Variants in KDM3B observed in about 807,000 individuals in gnomAD.
KDM3B encodes the protein lysine-specific demethylase 3B.
A neutral mutation model predicts 170.0 loss-of-function variants in KDM3B; 10 were observed. The observed-to-expected ratio is 0.06, with a 90% CI of 0.04 to 0.10. KDM3B has a LOEUF of 0.10. Among genes scored for constraint, KDM3B ranks in the 10% least tolerant of loss-of-function variants. The probability of loss-of-function intolerance (pLI) is 1.00; values close to 1 mark genes in which losing one functional copy is unlikely to be tolerated. For synonymous variants in KDM3B, 831 were observed against 834.8 expected (o/e 1.00, Z 0.08); for missense variants, 1,394 against 2,195.2 (o/e 0.64, Z 7.29).
At chr5:138,381,804 A>C (rs183285628) in intron 6 of KDM3B, 216 of 499,450 alleles carry the variant, frequency 4.3e-4, no homozygotes, top group Middle Eastern at 4.2e-3. Flanking sequence ...AAGCATGACT[A>C]TGTTCCCTAG....
At chr5:138,367,527 C>A (rs1009790425) in intron 1 of KDM3B, among the ~76,000 whole-genome samples, 1 of 152,016 alleles carries the variant, frequency 6.6e-6, no homozygotes, top group African/African-American at 2.4e-5. Flanking sequence ...CACATGTAGA[C>A]CACAAAGAGA....
At position 138,386,286 on chromosome 5, in the gene KDM3B, C is replaced by A; in HGVS notation, c.1045C>A (p.Gln349Lys). Reference protein sequence around the residue: ...AKQPPSTFVPQINRNIRFATY... With the variant: ...AKQPPSTFVPKINRNIRFATY... ...GCAGCCACCGTCTACATTTGTCCCC[C>A]AGATAAACCGCAACATTCGCTTTGC... Residue 349 changes from glutamine to lysine, a missense_variant, in exon 7 of 24, where the codon CAG becomes AAG. By Grantham distance (53) the Gln-to-Lys change is moderately conservative (BLOSUM62 1). This residue lies in a region of KDM3B where 205 missense variants were observed against 227.6 expected (regional missense o/e 0.90). Transcript: ENST00000314358. 1 of 1,614,152 alleles carries A rather than the reference C, an allele frequency of 6.2e-7. No homozygotes were observed. The highest frequency in any genetic ancestry group is 1.1e-5 in the South Asian group (1 of 91,072).
chr5:138,357,141 C>T (rs557767211), intron 1 of KDM3B, among the ~76,000 whole-genome samples: 14 of 152,012 alleles, frequency 9.2e-5, no homozygotes, highest in Non-Finnish European at 1.2e-4. Context: ...CATGCGCCAC[C>T]GGGCCTGGCT....
At chr5:138,419,560 C>T in intron 14 of KDM3B, among the ~76,000 whole-genome samples, 1 of 147,424 alleles carries the variant, frequency 6.8e-6, no homozygotes, top group Admixed American at 6.9e-5. Context: ...GAGGCTGAGG[C>T]AGGAGAATGG....
intron 1 of KDM3B, among the ~76,000 whole-genome samples, chr5:138,361,298 A>G (rs1761603007): frequency 1.3e-5 from 2 of 151,096 alleles, no homozygotes; most frequent in South Asian, 4.2e-4. Context: ...GTAGTGATTC[A>G]GATAGTGTGA....
At chr5:138,365,793 G>GT (rs998152778) in intron 1 of KDM3B, among the ~76,000 whole-genome samples, 3 of 151,806 alleles carry the variant, frequency 2.0e-5, no homozygotes, top group African/African-American at 7.3e-5. Flanking sequence ...GAGGTCAAGA[G>GT]TTCAAGACCA....
intron 1 of KDM3B, among the ~76,000 whole-genome samples, chr5:138,356,234 T>A (rs2126901638): frequency 6.6e-6 from 1 of 152,342 alleles, no homozygotes; most frequent in South Asian, 2.1e-4. Context: ...TTTCTGTAGT[T>A]TAGCAATCCA....
At chr5:138,372,370 A>G (rs1039181928) in intron 1 of KDM3B, among the ~76,000 whole-genome samples, 2 of 152,176 alleles carry the variant, frequency 1.3e-5, no homozygotes, top group Admixed American at 6.6e-5. Context: ...GCCCTCAGCT[A>G]GTATGTGTAG....
At chr5:138,421,788 T>TTC (rs759696211) in intron 15 of KDM3B, among the ~76,000 whole-genome samples, 3 of 152,226 alleles carry the variant, frequency 2.0e-5, no homozygotes, top group Non-Finnish European at 4.4e-5. Context: ...GGCTTCCTTT[T>TTC]TCTCTCGTAA....
Position 138,352,703 on chromosome 5 carries a change from G to T in KDM3B, c.-93G>T. On this transcript the variant is annotated 5_prime_UTR_variant, in exon 1 of 24. Coordinates refer to ENST00000314358, the MANE Select transcript of KDM3B (RefSeq NM_016604.4). The stretch of plus-strand genomic sequence containing the variant: ...TGGGGGGGAACGGCGGCCGCGGGTG[G>T]TGCGGAGGGAGGCCTTGCGGGCGGA... 9.8e-7 allele frequency: 1 copy of T among 1,021,090 alleles called. No individual in the cohort carries two copies. 63.3% of individuals were successfully genotyped at this position (1,021,090 alleles called of 1,614,324 possible).
At chr5:138,426,080 C>T (rs1763384158) in intron 17 of KDM3B, among the ~76,000 whole-genome samples, 7 of 152,156 alleles carry the variant, frequency 4.6e-5, no homozygotes. Context: ...AACTGTGTAG[C>T]TTACATGGCA....
rs761163676 is a variant in KDM3B, at chr5:138,392,110, G to A, written c.2478G>A (p.Glu826=). 6.2e-7 allele frequency: 1 copy of A among 1,607,618 alleles called. No individual in the cohort carries two copies. Among genetic ancestry groups the A allele is most frequent in the South Asian group, 1.1e-5 (1 of 90,914 alleles). ...SDLSDLSDSE[E]QLQAKTGLKG... ...TGTCAGATTTGAGTGACTCTGAGGA[G>A]CAGCTGCAGGCTAAGACAGGCCTGA... The change falls in exon 8 of 24, where the codon GAG becomes GAA. Residue 826 remains glutamate, a synonymous_variant. Coordinates refer to ENST00000314358, the MANE Select transcript of KDM3B (RefSeq NM_016604.4).
chr5:138,406,429 A>T (rs1188611945), intron 11 of KDM3B, among the ~76,000 whole-genome samples: 2 of 152,158 alleles, frequency 1.3e-5, no homozygotes, highest in African/African-American at 2.4e-5. Flanking sequence ...GGATCACCTG[A>T]GGTCAGGAGT....
intron 3 of KDM3B, among the ~76,000 whole-genome samples, chr5:138,377,215 T>C (rs922291197): frequency 1.3e-5 from 2 of 152,240 alleles, no homozygotes; most frequent in African/African-American, 4.8e-5. Flanking sequence ...GGATAAATAC[T>C]GAAATAAGCA....
chr5:138,424,457 A>G, intron 16 of KDM3B, 116 bp downstream of exon 16: 1 of 1,208,382 alleles, frequency 8.3e-7, no homozygotes, highest in Non-Finnish European at 1.2e-6. Context: ...AGGTTATTGT[A>G]ATAGCCTTGC....
chr5:138,355,653 T>G (rs1761430775), intron 1 of KDM3B, among the ~76,000 whole-genome samples: 2 of 152,240 alleles, frequency 1.3e-5, no homozygotes, highest in Non-Finnish European at 2.9e-5. Context: ...TTATGGGTTG[T>G]ATGCATTTAT....
At chr5:138,379,837 A>T in intron 5 of KDM3B, 129 bp downstream of exon 5, 3 of 814,472 alleles carry the variant, frequency 3.7e-6, no homozygotes, top group East Asian at 5.7e-5. Context: ...TAATAGTTGT[A>T]TAACCCCTAG....
chr5:138,406,914 G>C lies in KDM3B; in HGVS notation c.3199+6902G>C, dbSNP rs927623430. On this transcript the variant is annotated intron_variant, in intron 11 of 23. Coordinates refer to ENST00000314358, the MANE Select transcript of KDM3B (RefSeq NM_016604.4). ...TTAATAATAAAAAAAAAGAATGTGA[G>C]GACCTCAATGCAGATCTTTTAGACA... Among the ~76,000 whole-genome samples the C allele has an allele frequency of 1.3e-5, 2 of 150,960 alleles. 1 individual carries two copies.
At chr5:138,368,909 A>AT (rs1761809558) in intron 1 of KDM3B, among the ~76,000 whole-genome samples, 3 of 152,324 alleles carry the variant, frequency 2.0e-5, no homozygotes, top group African/African-American at 7.2e-5. Flanking sequence ...GAATTCTTGA[A>AT]TATTAACTTT....
Sources: gnomAD v4.1 joint callset for allele counts (sites outside exome capture counted in the v4.1 genomes callset) on GRCh38, gnomAD v4.1.1 for gene constraint, gnomAD v4.1.1 regional missense constraint, MANE v1.5 for transcripts, NCBI Gene and HGNC (gene_info 2026-07-23, HGNC 2026-07-21) for gene names.